The following NRXN1 variants were observed in gnomAD, a reference collection of about 807,000 sequenced individuals.
NRXN1 encodes the protein neurexin 1.
NRXN1 carries 39 observed loss-of-function variants against 150.9 expected under a neutral mutation model. The ratio of observed to expected loss-of-function variants is 0.26; its 90% confidence interval spans 0.20 to 0.34. NRXN1 has a LOEUF of 0.34. NRXN1 is among the 10% of genes least tolerant of loss of function. The probability of loss-of-function intolerance (pLI) is 1.00; values close to 1 mark genes in which losing one functional copy is unlikely to be tolerated. For synonymous variants in NRXN1, 924 were observed against 757.0 expected (o/e 1.22, Z -3.62); for missense variants, 1,815 against 1,949.9 (o/e 0.93, Z 1.30).
At chr2:50,048,675 T>G (rs1403158991) in intron 21 of NRXN1, among the ~76,000 whole-genome samples, 2 of 152,160 alleles carry the variant, frequency 1.3e-5, no homozygotes, top group Non-Finnish European at 2.9e-5. Context: ...AAAACCCAAC[T>G]GGGAATCAAA....
At chr2:50,926,392 T>TA (rs1686891865) in intron 2 of NRXN1, among the ~76,000 whole-genome samples, 1 of 151,978 alleles carries the variant, frequency 6.6e-6, no homozygotes, top group Non-Finnish European at 1.5e-5. Context: ...AAATTTCACT[T>TA]AAAGATATTC....
intron 17 of NRXN1, among the ~76,000 whole-genome samples, chr2:50,381,522 A>AACAC (rs59726557): frequency 0.045 from 5,771 of 128,504 alleles, 175 homozygotes; most frequent in Non-Finnish European, 0.065. Context: ...CAGGCTTTTA[A>AACAC]ACACACACAC....
intron 8 of NRXN1, chr2:50,615,202 T>A (rs1382003257): frequency 6.6e-6 from 1 of 152,166 alleles, no homozygotes; most frequent in East Asian, 1.9e-4. Flanking sequence ...TTTCACTCAT[T>A]TTTTTTCTCT....
At chr2:50,463,827 T>C (rs2088513901) in intron 17 of NRXN1, 1 of 151,740 alleles carries the variant, frequency 6.6e-6, no homozygotes, top group Non-Finnish European at 1.5e-5. Flanking sequence ...TTTAGCAACA[T>C]GAAAAATATT....
chr2:50,241,456 C>A (rs1323116652), intron 17 of NRXN1, among the ~76,000 whole-genome samples: 1 of 151,710 alleles, frequency 6.6e-6, no homozygotes, highest in African/African-American at 2.4e-5. Flanking sequence ...CACATCAGTA[C>A]CATGACTACT....
chr2:50,394,521 CTG>C (rs954469202), intron 17 of NRXN1, among the ~76,000 whole-genome samples: 39 of 152,168 alleles, frequency 2.6e-4, no homozygotes, highest in Admixed American at 5.2e-4. Flanking sequence ...GCAGTCTGCT[CTG>C]TCTCTAAAAT....
intron 17 of NRXN1, among the ~76,000 whole-genome samples, chr2:50,385,952 A>G (rs2081300280): frequency 6.6e-6 from 1 of 152,074 alleles, no homozygotes; most frequent in Admixed American, 6.6e-5. Flanking sequence ...GTGGAATAAA[A>G]TATATCAAAC....
At chr2:49,943,565 A>ATT in intron 22 of NRXN1, 139 bp downstream of exon 22, 1 of 665,034 alleles carries the variant, frequency 1.5e-6, no homozygotes. Context: ...TATGTAAAAA[A>ATT]TAAGAGTCCT....
intron 17 of NRXN1, among the ~76,000 whole-genome samples, chr2:50,277,591 A>C (rs2070729214): frequency 1.3e-5 from 2 of 150,482 alleles, no homozygotes. Flanking sequence ...GATTTTAAGG[A>C]GTCAGTGTCT....
chr2:50,633,521 G>T (rs1573897720), intron 5 of NRXN1, among the ~76,000 whole-genome samples: 1 of 144,882 alleles, frequency 6.9e-6, no homozygotes, highest in South Asian at 2.2e-4. Flanking sequence ...ATTTTGTTTT[G>T]TTTTTTTTTT....
At chr2:50,542,103 G>A (rs1288275304) in intron 9 of NRXN1, among the ~76,000 whole-genome samples, 2 of 152,084 alleles carry the variant, frequency 1.3e-5, no homozygotes, top group Non-Finnish European at 2.9e-5. Flanking sequence ...CCAACATGGA[G>A]AAACCCCATC....
chr2:50,190,991 A>C (rs1327247020), intron 18 of NRXN1, among the ~76,000 whole-genome samples: 1 of 151,892 alleles, frequency 6.6e-6, no homozygotes, highest in African/African-American at 2.4e-5. Context: ...GAATCACAGA[A>C]AGTTGTGAAA....
chr2:50,524,884 A>T (rs1309327881), intron 12 of NRXN1, among the ~76,000 whole-genome samples: 1 of 152,216 alleles, frequency 6.6e-6, no homozygotes, highest in Non-Finnish European at 1.5e-5. Flanking sequence ...AAAAATACAT[A>T]GAAACACATA....
chr2:50,592,149 C>T (rs543629645), intron 8 of NRXN1, among the ~76,000 whole-genome samples: 1 of 152,322 alleles, frequency 6.6e-6, no homozygotes, highest in African/African-American at 2.4e-5. Flanking sequence ...TGCTTGCTAG[C>T]TACTACGACT....
intron 18 of NRXN1, among the ~76,000 whole-genome samples, chr2:50,134,615 C>T (rs973197583): frequency 6.6e-6 from 1 of 152,182 alleles, no homozygotes; most frequent in South Asian, 2.1e-4. Flanking sequence ...AGATTCCCAG[C>T]CCCATCCCAA....
chr2:50,703,276 A>G (rs1002225466), intron 5 of NRXN1, among the ~76,000 whole-genome samples: 1 of 152,050 alleles, frequency 6.6e-6, no homozygotes, highest in East Asian at 1.9e-4. Context: ...AAAGACTAAA[A>G]TGTACCTGCC....
chr2:50,227,814 G>C (rs1009954252), intron 18 of NRXN1, among the ~76,000 whole-genome samples: 2 of 152,002 alleles, frequency 1.3e-5, no homozygotes, highest in African/African-American at 4.8e-5. Context: ...CTGTTCAGTA[G>C]GCAAGCCAGT....
At chr2:50,653,430 T>C (rs1225398938) in intron 5 of NRXN1, among the ~76,000 whole-genome samples, 2 of 152,152 alleles carry the variant, frequency 1.3e-5, no homozygotes, top group South Asian at 2.1e-4. Flanking sequence ...CTGTGATTGA[T>C]TGAGACTCAG....
chr2:50,340,671 A>G (rs2077484978), intron 17 of NRXN1, among the ~76,000 whole-genome samples: 1 of 152,150 alleles, frequency 6.6e-6, no homozygotes, highest in Admixed American at 6.5e-5. Context: ...ATCAAAGGAA[A>G]CTTAGAATTG....
Sources: allele counts gnomAD v4.1 joint callset (sites outside exome capture counted in the v4.1 genomes callset), GRCh38; gene constraint gnomAD v4.1.1; transcripts MANE v1.5; gene names NCBI Gene and HGNC (gene_info 2026-07-23, HGNC 2026-07-21).